Variants in PSMA1 observed in about 807,000 individuals in gnomAD.
PSMA1 encodes proteasome 20S subunit alpha 1.
PSMA1 carries 3 observed loss-of-function variants against 38.4 expected under a neutral mutation model. The observed-to-expected ratio is 0.08, with a 90% CI of 0.04 to 0.20. PSMA1 has a LOEUF of 0.20. Ranked by LOEUF, PSMA1 falls within the 10% of genes least tolerant of loss-of-function variation. The probability of loss-of-function intolerance (pLI) is 1.00; values close to 1 mark genes in which losing one functional copy is unlikely to be tolerated. For synonymous variants in PSMA1, 101 were observed against 107.1 expected (o/e 0.94, Z 0.35); for missense variants, 227 against 325.3 (o/e 0.70, Z 2.32).
intron 2 of PSMA1, among the ~76,000 whole-genome samples, chr11:14,546,825 G>A (rs1851833243): frequency 6.6e-6 from 1 of 152,218 alleles, no homozygotes; most frequent in Non-Finnish European, 1.5e-5. Flanking sequence ...GCTGCCAGCA[G>A]AGATTGAGTC....
chr11:14,599,019 A>G (rs1457862541), intron 2 of PSMA1, among the ~76,000 whole-genome samples: 1 of 152,098 alleles, frequency 6.6e-6, no homozygotes, highest in Non-Finnish European at 1.5e-5. Flanking sequence ...CTGGATATGA[A>G]ATTCTGGGTT....
chr11:14,506,265 C>T (rs1157432430), intron 9 of PSMA1, among the ~76,000 whole-genome samples: 3 of 152,128 alleles, frequency 2.0e-5, no homozygotes, highest in Non-Finnish European at 4.4e-5. Context: ...TTGCATTGCT[C>T]AGGAATAAAA....
chr11:14,567,145 T>A (rs371461148), intron 2 of PSMA1, among the ~76,000 whole-genome samples: 12 of 152,360 alleles, frequency 7.9e-5, no homozygotes, highest in Admixed American at 4.6e-4. Context: ...TGGCAGAGGA[T>A]GCATCCACCT....
chr11:14,572,999 GAGC>G (rs1852164808), intron 2 of PSMA1, among the ~76,000 whole-genome samples: 1 of 152,096 alleles, frequency 6.6e-6, no homozygotes, highest in East Asian at 1.9e-4. Flanking sequence ...CCAATAACAG[GAGC>G]CGAAACTGAG....
chr11:14,630,430 T>G (rs896537504), intron 1 of PSMA1, among the ~76,000 whole-genome samples: 1 of 152,212 alleles, frequency 6.6e-6, no homozygotes, highest in African/African-American at 2.4e-5. Context: ...AATCATCTGG[T>G]TTTTGTCTTT....
chr11:14,625,717 A>G (rs980960091), intron 1 of PSMA1, among the ~76,000 whole-genome samples: 1 of 152,008 alleles, frequency 6.6e-6, no homozygotes, highest in African/African-American at 2.4e-5. Flanking sequence ...TTTCTACCTA[A>G]TCCTCCTTCC....
At chr11:14,512,384 A>G (rs1330330303) in intron 7 of PSMA1, among the ~76,000 whole-genome samples, 1 of 152,168 alleles carries the variant, frequency 6.6e-6, no homozygotes, top group Non-Finnish European at 1.5e-5. Context: ...CAGGAAAAAA[A>G]AAAAAAGAAT....
At chr11:14,507,588 C>T in intron 9 of PSMA1, 68 bp downstream of exon 9, 1 of 1,090,390 alleles carries the variant, frequency 9.2e-7, no homozygotes, top group Non-Finnish European at 1.4e-6. Context: ...GGAAAATTTA[C>T]AGACACAGTT....
At chr11:14,593,310 C>A (rs1338346693) in intron 2 of PSMA1, among the ~76,000 whole-genome samples, 1 of 152,218 alleles carries the variant, frequency 6.6e-6, no homozygotes, top group African/African-American at 2.4e-5. Flanking sequence ...CTACAATCTG[C>A]AAGAGAAGGA....
intron 2 of PSMA1, among the ~76,000 whole-genome samples, chr11:14,601,514 A>C (rs1852579854): frequency 6.6e-6 from 1 of 152,162 alleles, no homozygotes; most frequent in Non-Finnish European, 1.5e-5. Flanking sequence ...GGCCTGGAGA[A>C]GATGTAAACT....
intron 2 of PSMA1, among the ~76,000 whole-genome samples, chr11:14,604,785 G>C (rs1037378348): frequency 3.3e-5 from 5 of 152,062 alleles, no homozygotes; most frequent in African/African-American, 9.7e-5. Flanking sequence ...CCAATGTTTA[G>C]CTCCTACTTA....
intron 2 of PSMA1, among the ~76,000 whole-genome samples, chr11:14,578,412 G>A (rs1852245421): frequency 6.6e-6 from 1 of 152,144 alleles, no homozygotes; most frequent in African/African-American, 2.4e-5. Flanking sequence ...GCTGGAGCAA[G>A]AAAGGATGGA....
chr11:14,550,041 G>A (rs1023569337), intron 2 of PSMA1, among the ~76,000 whole-genome samples: 1 of 152,080 alleles, frequency 6.6e-6, no homozygotes, highest in Non-Finnish European at 1.5e-5. Context: ...CAAATTCTGG[G>A]CACAGTCATT....
chr11:14,610,632 G>C lies in PSMA1; in HGVS notation c.21+334C>G, dbSNP rs953714910. On this transcript the variant is annotated intron_variant, in intron 2 of 10. Coordinates refer to the PSMA1 transcript ENST00000418988. ...TCAGTTACATTTTTTTTCTCTGCAG[G>C]AAAGGGTTAAGCCTCTAGTGTTATA... 3.3e-5 allele frequency among the ~76,000 whole-genome samples: 5 copies of C among 152,084 alleles called. No individual in the cohort carries two copies. The East Asian group carries it at 9.6e-4, about 29-fold the overall frequency.
chr11:14,614,819 T>A (rs1384452748), intron 1 of PSMA1, among the ~76,000 whole-genome samples: 1 of 152,188 alleles, frequency 6.6e-6, no homozygotes, highest in Non-Finnish European at 1.5e-5. Context: ...CCCAAAATGA[T>A]CTTCCTGCCT....
At chr11:14,624,812 T>C (rs976746488) in intron 1 of PSMA1, among the ~76,000 whole-genome samples, 3 of 152,104 alleles carry the variant, frequency 2.0e-5, no homozygotes, top group African/African-American at 7.2e-5. Flanking sequence ...TGAAAGGACA[T>C]GTACAACGAC....
At chr11:14,582,371 C>A (rs903051824) in intron 2 of PSMA1, among the ~76,000 whole-genome samples, 1 of 152,096 alleles carries the variant, frequency 6.6e-6, no homozygotes, top group African/African-American at 2.4e-5. Flanking sequence ...TAACTCCCAG[C>A]ACCTCCCATG....
At chr11:14,557,935 T>C (rs1328986214) in intron 2 of PSMA1, among the ~76,000 whole-genome samples, 1 of 152,210 alleles carries the variant, frequency 6.6e-6, no homozygotes, top group African/African-American at 2.4e-5. Flanking sequence ...CAGGGTTCCA[T>C]GGTGCTATTT....
chr11:14,523,693 C>T (rs1851555238), upstream of PSMA1, among the ~76,000 whole-genome samples: 1 of 151,308 alleles, frequency 6.6e-6, no homozygotes. Flanking sequence ...AAGTGATCCT[C>T]CTACCTCAGC....
Sources: gnomAD v4.1 joint callset for allele counts (sites outside exome capture counted in the v4.1 genomes callset) on GRCh38, gnomAD v4.1.1 for gene constraint, MANE v1.5 for transcripts, NCBI Gene and HGNC (gene_info 2026-07-23, HGNC 2026-07-21) for gene names.